KLF5: variants seen among roughly 807,000 people sequenced by gnomAD.
KLF5 encodes the protein KLF transcription factor 5, also known as Krueppel-like factor 5.
KLF5 carries 9 observed loss-of-function variants against 36.9 expected under a neutral mutation model. The ratio of observed to expected loss-of-function variants is 0.24; its 90% CI spans 0.15 to 0.43. The LOEUF is 0.43. Among genes scored for constraint, KLF5 ranks in the 20% least tolerant of loss-of-function variants. The pLI is 1.00. For synonymous variants in KLF5, 246 were observed against 241.7 expected (o/e 1.02, Z -0.17); for missense variants, 524 against 599.5 (o/e 0.87, Z 1.31).
rs142923337 is a variant in KLF5 at position 73,062,401 on chromosome 13, T to C, written c.802T>C (p.Ser268Pro). ...CATGGCAGGCCTTAACACACACACCTCTGCTGTTCCGCAGACTGCAGTGAA... is the reference window on the plus strand; with the variant it reads ...CATGGCAGGCCTTAACACACACACCCCTGCTGTTCCGCAGACTGCAGTGAA... Reference protein sequence around the residue: ...AAMAGLNTHTSAVPQTAVKQF... With the variant: ...AAMAGLNTHTPAVPQTAVKQF... The change falls in exon 2 of 4, where the codon TCT becomes CCT. Residue 268 changes from serine to proline, a missense_variant. Transcript: ENST00000377687. 1 of 1,614,042 alleles carries C rather than the reference T, an allele frequency of 6.2e-7. No homozygotes were observed. Among genetic ancestry groups the C allele is most frequent in the African/African-American group, 1.3e-5 (1 of 74,912 alleles).
At chr13:73,063,056 T>A (rs990419117) in intron 2 of KLF5, among the ~76,000 whole-genome samples, 1 of 152,162 alleles carries the variant, frequency 6.6e-6, no homozygotes, top group African/African-American at 2.4e-5. Flanking sequence ...GAATTTCTAA[T>A]ACATATTATT....
intron 3 of KLF5, among the ~76,000 whole-genome samples, chr13:73,073,633 G>C (rs1303489258): frequency 6.6e-6 from 1 of 152,046 alleles, no homozygotes; most frequent in East Asian, 1.9e-4. Context: ...AGCACTATAG[G>C]AATTTTTTTC....
At chr13:73,068,584 G>T (rs1042376588) in intron 3 of KLF5, among the ~76,000 whole-genome samples, 1 of 151,078 alleles carries the variant, frequency 6.6e-6, no homozygotes, top group African/African-American at 2.4e-5. Context: ...CATGCCTGTA[G>T]TCCCAGTTAC....
In KLF5 at chr13:73,062,288, A is replaced by C. The variant is rs2044642808; in HGVS notation, c.689A>C (p.Gln230Pro). ...CCTACCCAGCAGGGCCACCTGTACC[A>C]GCTACTGAATACACCGGATCTAGAT... ...SVPTQQGHLY[Q>P]LLNTPDLDMP... The change falls in exon 2 of 4, where the codon CAG becomes CCG. Residue 230 changes from glutamine to proline, a missense_variant. Transcript: ENST00000377687. 6.2e-7 allele frequency: 1 copy of C among 1,613,966 alleles called. No individual in the cohort carries two copies. The highest frequency in any genetic ancestry group is 8.5e-7 in the Non-Finnish European group (1 of 1,179,890).
At position 73,063,815 on chromosome 13, in the gene KLF5, T is replaced by G. The variant is rs771611693; in HGVS notation, c.1136-9T>G. 4.4e-6 allele frequency: 7 copies of G among 1,587,966 alleles called. No individual in the cohort carries two copies. The highest frequency in any genetic ancestry group is 1.3e-5 in the African/African-American group (1 of 74,358). On this transcript the variant is annotated splice_polypyrimidine_tract_variant and intron_variant, in intron 2 of 3. Transcript: ENST00000377687. ...CTCCAAAATGACATGCTGTTCTCCT[T>G]TATTTTAGGTTGCACAAAAGTTTAT... is the stretch of plus-strand genomic sequence containing the variant.
intron 3 of KLF5, among the ~76,000 whole-genome samples, chr13:73,064,404 G>C (rs1324111692): frequency 2.0e-5 from 3 of 152,180 alleles, no homozygotes; most frequent in African/African-American, 7.2e-5. Flanking sequence ...TTAAAATCAG[G>C]TGGTCAGAAA....
intron 3 of KLF5, among the ~76,000 whole-genome samples, chr13:73,065,951 G>A (rs2044676527): frequency 6.6e-6 from 1 of 152,204 alleles, no homozygotes; most frequent in South Asian, 2.1e-4. Flanking sequence ...TTAATCGTGG[G>A]TTGTCTTAAC....
intron 1 of KLF5, 187 bp downstream of exon 1, chr13:73,059,775 GGGGGGGGGGGCC>G: frequency 8.3e-6 from 1 of 120,866 alleles, no homozygotes; most frequent in Non-Finnish European, 1.1e-5. Context: ...GAGAGTAAAT[GGGGGGGGGGGCC>G]GGGGGTGGGA....
At chr13:73,063,637 A>G (rs1295626052) in intron 2 of KLF5, among the ~76,000 whole-genome samples, 187 bp from the exon 3 acceptor site, 3 of 152,238 alleles carry the variant, frequency 2.0e-5, no homozygotes, top group African/African-American at 7.2e-5. Flanking sequence ...TACATAAAAC[A>G]AATCACTTCA....
chr13:73,061,901 CTCCAGTTCCTATAAT>C lies in KLF5; in HGVS notation c.308_322del (p.Val103_Pro107del). ...GAGAAGTATCTGACACCTCAGCTTC[CTCCAGTTCCTATAAT>C]TCCAGAGCATAAAAAGTATAGACGA... is the stretch of plus-strand genomic sequence containing the variant. On this transcript the variant is annotated inframe_deletion, in exon 2 of 4. Coordinates refer to ENST00000377687, the MANE Select transcript of KLF5 (RefSeq NM_001730.5). 1 of 1,614,020 alleles carries C rather than the reference CTCCAGTTCCTATAAT, an allele frequency of 6.2e-7. No individual in the cohort carries two copies. The highest frequency in any genetic ancestry group is 8.5e-7 in the Non-Finnish European group (1 of 1,179,902).
chr13:73,070,709 G>C (rs893523600), intron 3 of KLF5, among the ~76,000 whole-genome samples: 1 of 152,192 alleles, frequency 6.6e-6, no homozygotes, highest in Non-Finnish European at 1.5e-5. Flanking sequence ...AGGGGCTCTA[G>C]TATGTCTTGG....
At chr13:73,066,023 A>T (rs2044676980) in intron 3 of KLF5, among the ~76,000 whole-genome samples, 1 of 152,242 alleles carries the variant, frequency 6.6e-6, no homozygotes, top group African/African-American at 2.4e-5. Context: ...GGTCCCTTGC[A>T]TCAGCTTTTT....
In KLF5 at chr13:73,059,549, C is replaced by G. The variant is rs2044614202; in HGVS notation, c.222C>G (p.Pro74=). The G allele has an allele frequency of 8.5e-7, 1 of 1,173,722 alleles. No individual in the cohort carries two copies. The highest frequency in any genetic ancestry group is 1.0e-6 in the Non-Finnish European group (1 of 954,636). 72.7% of individuals were successfully genotyped at this position (1,173,722 alleles called of 1,614,324 possible). Reference sequence around the variant, plus strand: ...AGGCCCCGCAGCCGGCCCAGCCGCCCGCCACCGGCCCGCGGCTGCCTCCAG... The same window carrying G: ...AGGCCCCGCAGCCGGCCCAGCCGCCGGCCACCGGCCCGCGGCTGCCTCCAG... ...PAQAPQPAQP[P]ATGPRLPPED... The change falls in exon 1 of 4, where the codon CCC becomes CCG. Residue 74 remains proline (P), a synonymous_variant. Coordinates refer to ENST00000377687, the MANE Select transcript of KLF5 (RefSeq NM_001730.5).
At chr13:73,068,252 T>C (rs898382039) in intron 3 of KLF5, among the ~76,000 whole-genome samples, 1 of 152,204 alleles carries the variant, frequency 6.6e-6, no homozygotes, top group African/African-American at 2.4e-5. Context: ...AGGGGTTACA[T>C]TCCCATTTTC....
intron 3 of KLF5, 100 bp downstream of exon 3, chr13:73,063,983 C>CTTTTTTTTTTTTTTTTTTTTTTTTTTT (rs67730943): frequency 3.0e-6 from 1 of 332,714 alleles, no homozygotes; most frequent in African/African-American, 2.2e-5. Context: ...CTCCTGTCAA[C>CTTTTTTTTTTTTTTTTTTTTTTTTTTT]TTTGTTTTTT....
chr13:73,061,738 C>T (rs2139103486), intron 1 of KLF5, 123 bp from the exon 2 acceptor site: 1 of 803,066 alleles, frequency 1.2e-6, no homozygotes, highest in East Asian at 2.4e-5. Context: ...ATAAGCAACA[C>T]TGAGGAGTTT....
At chr13:73,058,242 A>G (rs541368499), upstream of KLF5, among the ~76,000 whole-genome samples, 1 of 152,326 alleles carries the variant, frequency 6.6e-6, no homozygotes, top group East Asian at 1.9e-4. Context: ...CAAAATTCAT[A>G]TGGCCCAAGC....
upstream of KLF5, chr13:73,058,851 C>A (rs2139098854): frequency 6.5e-6 from 1 of 153,048 alleles, no homozygotes; most frequent in South Asian, 2.1e-4. Context: ...CCGACGGAGG[C>A]GGGGCCCTGG....
intron 3 of KLF5, 37 bp downstream of exon 3, chr13:73,063,920 A>G: frequency 7.5e-7 from 1 of 1,341,918 alleles, no homozygotes; most frequent in Non-Finnish European, 1.1e-6. Context: ...GAGTTGTGTA[A>G]ATAGTGTAAG....
Sources: gnomAD v4.1 joint callset for allele counts (sites outside exome capture counted in the v4.1 genomes callset) on GRCh38, gnomAD v4.1.1 for gene constraint, MANE v1.5 for transcripts, NCBI Gene and HGNC (gene_info 2026-07-23, HGNC 2026-07-21) for gene names.